PPP2R2C: variants seen among roughly 807,000 people sequenced by gnomAD.
PPP2R2C encodes protein phosphatase 2, regulatory subunit B, gamma.
In PPP2R2C, 10 loss-of-function variants were observed where a neutral mutation model predicts 45.3. The observed-to-expected ratio is 0.22, with a 90% CI of 0.14 to 0.37. The LOEUF (loss-of-function observed/expected upper bound fraction) is 0.37. Among genes scored for constraint, PPP2R2C ranks in the 10% least tolerant of loss-of-function variants. The pLI is 1.00. For missense variants in PPP2R2C, 308 were observed against 619.7 expected (o/e 0.50, Z 5.34); for synonymous variants, 257 against 245.4 (o/e 1.05, Z -0.44).
chr4:6,348,972 C>A, intron 5 of PPP2R2C: 6 of 977,136 alleles, frequency 6.1e-6, no homozygotes, highest in Non-Finnish European at 7.3e-6. Context: ...TCCGGGGTGG[C>A]CCAGGTGTGA....
In PPP2R2C at chr4:6,443,221, G is replaced by A. The variant is rs113482627; in HGVS notation, c.70+28939C>T. Among the ~76,000 whole-genome samples the A allele has an allele frequency of 5.0e-3, 759 of 152,264 alleles. 5 individuals are homozygous for A. The highest frequency in any genetic ancestry group is 0.017 in the African/African-American group (711 of 41,556). ...CCTTCCAGGCAGGTGCCCGGCCGCC[G>A]CCTGGCAGGACTAATTCCACACATG... On this transcript the variant is annotated intron_variant, in intron 1 of 8. Transcript: ENST00000382599.
intron 1 of PPP2R2C, among the ~76,000 whole-genome samples, chr4:6,556,027 G>A (rs1181949915): frequency 6.6e-6 from 1 of 152,154 alleles, no homozygotes; most frequent in African/African-American, 2.4e-5. Context: ...AGTCTGCCCA[G>A]CACCCACAGG....
chr4:6,532,037 AG>A (rs1724421294), intron 2 of PPP2R2C, among the ~76,000 whole-genome samples: 2 of 152,208 alleles, frequency 1.3e-5, no homozygotes, highest in Non-Finnish European at 2.9e-5. Context: ...TGCTTTGCAA[AG>A]GGCAGGAGGC....
intron 1 of PPP2R2C, among the ~76,000 whole-genome samples, chr4:6,438,956 C>T (rs1370440417): frequency 6.6e-6 from 1 of 152,186 alleles, no homozygotes; most frequent in Non-Finnish European, 1.5e-5. Flanking sequence ...CCAAGGACCT[C>T]AACACACACA....
chr4:6,366,470 C>T (rs978681268), intron 5 of PPP2R2C, among the ~76,000 whole-genome samples: 2 of 152,188 alleles, frequency 1.3e-5, no homozygotes, highest in Non-Finnish European at 2.9e-5. Flanking sequence ...CTATGTGGAG[C>T]AGGGGATGCA....
chr4:6,560,714 C>T (rs570917016), intron 1 of PPP2R2C, among the ~76,000 whole-genome samples: 2 of 152,348 alleles, frequency 1.3e-5, no homozygotes, highest in South Asian at 4.1e-4. Flanking sequence ...CCACACAGGC[C>T]TCATGCTTGG....
At chr4:6,489,407 C>T (rs1722625152) in intron 2 of PPP2R2C, among the ~76,000 whole-genome samples, 1 of 152,140 alleles carries the variant, frequency 6.6e-6, no homozygotes. Context: ...AGGTAAGTGG[C>T]AGGTACCTCC....
chr4:6,351,855 T>C (rs1712592866), intron 5 of PPP2R2C, among the ~76,000 whole-genome samples: 3 of 152,112 alleles, frequency 2.0e-5, no homozygotes, highest in Admixed American at 2.0e-4. Context: ...ACCTGGTCCG[T>C]GCGACCGCCT....
At chr4:6,427,777 C>T (rs1457569917) in intron 1 of PPP2R2C, among the ~76,000 whole-genome samples, 5 of 152,230 alleles carry the variant, frequency 3.3e-5, no homozygotes, top group Non-Finnish European at 5.9e-5. Context: ...ACTGAACCCC[C>T]AGTCTGAGAG....
intron 2 of PPP2R2C, among the ~76,000 whole-genome samples, chr4:6,513,845 T>C (rs915021042): frequency 6.6e-6 from 1 of 152,136 alleles, no homozygotes; most frequent in Non-Finnish European, 1.5e-5. Context: ...TTTTCTCCAG[T>C]GGGGAGCACC....
At chr4:6,375,338 GTC>G (rs1303549407) in intron 4 of PPP2R2C, among the ~76,000 whole-genome samples, 13 of 152,192 alleles carry the variant, frequency 8.5e-5, no homozygotes, top group Non-Finnish European at 8.8e-5. Context: ...TTCAGGGTAT[GTC>G]TGTTTCAGGC....
chr4:6,428,775 G>T (rs1719466249), intron 1 of PPP2R2C, among the ~76,000 whole-genome samples: 1 of 152,222 alleles, frequency 6.6e-6, no homozygotes, highest in African/African-American at 2.4e-5. Context: ...TGTGCAAACT[G>T]GGCAGTATTT....
intron 5 of PPP2R2C, chr4:6,348,552 A>G (rs565859967): frequency 6.2e-5 from 48 of 774,744 alleles, no homozygotes; most frequent in Non-Finnish European, 7.4e-5. Flanking sequence ...TGACCACAGT[A>G]TGGAGATTCT....
intron 1 of PPP2R2C, among the ~76,000 whole-genome samples, chr4:6,449,338 G>A (rs1720611401): frequency 6.6e-6 from 1 of 152,236 alleles, no homozygotes. Context: ...GCAGAGAACA[G>A]GCGCGTCTCT....
intron 6 of PPP2R2C, among the ~76,000 whole-genome samples, chr4:6,343,244 C>T (rs561982659): frequency 2.0e-5 from 3 of 152,284 alleles, no homozygotes; most frequent in Admixed American, 1.3e-4. Flanking sequence ...TTCAGCCACT[C>T]GCCCCAATGT....
intron 2 of PPP2R2C, among the ~76,000 whole-genome samples, chr4:6,479,925 C>T (rs1005426768): frequency 1.3e-5 from 2 of 151,738 alleles, no homozygotes; most frequent in Non-Finnish European, 1.5e-5. Context: ...TGCCCAGGCC[C>T]GTCTCTAATT....
intron 1 of PPP2R2C, among the ~76,000 whole-genome samples, chr4:6,397,063 A>G (rs1429537600): frequency 6.6e-6 from 1 of 152,218 alleles, no homozygotes; most frequent in Non-Finnish European, 1.5e-5. Context: ...GGGCCAAGTG[A>G]GCCACCTAAG....
In PPP2R2C at chr4:6,384,149, C is replaced by A. The variant is rs1229900414; in HGVS notation, c.71-3055G>T. Reference sequence around the variant, plus strand: ...CTCCGTGGGGCAGCCTGCCCTGGCCCAGGGACACCCAGACACATCTGGGCA... The same window carrying A: ...CTCCGTGGGGCAGCCTGCCCTGGCCAAGGGACACCCAGACACATCTGGGCA... On this transcript the variant is annotated intron_variant, in intron 1 of 8. Coordinates refer to ENST00000382599, the MANE Select transcript of PPP2R2C (RefSeq NM_020416.4). 5.1e-6 allele frequency: 5 copies of A among 985,376 alleles called. No individual in the cohort carries two copies. In the African/African-American group the frequency reaches 7.0e-5, roughly 14 times the overall value. 61.0% of individuals were successfully genotyped at this position (985,376 alleles called of 1,614,324 possible).
chr4:6,333,667 G>A lies in PPP2R2C; in HGVS notation c.855C>T (p.Ser285=), dbSNP rs141600291. 2.6e-4 allele frequency: 425 copies of A among 1,614,116 alleles called. No individual in the cohort carries two copies. In the East Asian group the frequency reaches 6.0e-3, roughly 23 times the overall value. The part of the protein sequence containing the change: ...SFFSEIISSV[S]DVKFSHSGRY... Reference sequence around the variant, plus strand: ...GGCCGCTGTGGCTGAACTTCACGTCGGACACGGAGGAGATGATTTCCGAGA... The same window carrying A: ...GGCCGCTGTGGCTGAACTTCACGTCAGACACGGAGGAGATGATTTCCGAGA... The change falls in exon 7 of 9, where the codon TCC becomes TCT. Residue 285 remains serine (S), a synonymous_variant. Transcript: ENST00000382599.
Sources: allele counts gnomAD v4.1 joint callset (sites outside exome capture counted in the v4.1 genomes callset), GRCh38; gene constraint gnomAD v4.1.1; transcripts MANE v1.5; gene names NCBI Gene and HGNC (gene_info 2026-07-23, HGNC 2026-07-21).